Variants in ZFHX3 observed in about 807,000 individuals in gnomAD.
ZFHX3 encodes the protein zinc finger homeobox 3.
A neutral mutation model predicts 279.1 loss-of-function variants in ZFHX3; 42 were observed. That is an observed-to-expected ratio of 0.15 (90% CI 0.12 to 0.19). The LOEUF is 0.19. Among genes scored for constraint, ZFHX3 ranks in the 10% least tolerant of loss-of-function variants. The pLI, the probability that ZFHX3 is intolerant of heterozygous loss-of-function variation, is 1.00. For missense variants in ZFHX3, 4,981 were observed against 4,754.0 expected (o/e 1.05, Z -1.40); for synonymous variants, 2,293 against 1,957.8 (o/e 1.17, Z -4.52).
chr16:72,879,673 G>C (rs942211813), intron 4 of ZFHX3, among the ~76,000 whole-genome samples: 1 of 152,166 alleles, frequency 6.6e-6, no homozygotes, highest in African/African-American at 2.4e-5. Context: ...TGATCCGCCC[G>C]CCTCGGCCTC....
intron 1 of ZFHX3, among the ~76,000 whole-genome samples, chr16:73,722,236 T>C (rs2053480207): frequency 3.3e-5 from 5 of 152,138 alleles, no homozygotes; most frequent in Admixed American, 2.0e-4. Flanking sequence ...GCACTTCTGT[T>C]CTGGACAGAT....
At chr16:73,011,926 G>T (rs895138835) in intron 1 of ZFHX3, among the ~76,000 whole-genome samples, 4 of 152,014 alleles carry the variant, frequency 2.6e-5, no homozygotes, top group African/African-American at 9.7e-5. Flanking sequence ...TCTATCGAGG[G>T]GTAGAAGCTG....
At chr16:73,587,128 T>A (rs765150628) in intron 2 of ZFHX3, among the ~76,000 whole-genome samples, 1 of 152,102 alleles carries the variant, frequency 6.6e-6, no homozygotes, top group Non-Finnish European at 1.5e-5. Context: ...AAGAACTGGC[T>A]CTCAAAGGCC....
intron 2 of ZFHX3, chr16:73,679,784 C>T (rs764255): frequency 0.57 from 86,264 of 152,010 alleles, 25,797 homozygotes; most frequent in East Asian, 0.79. Context: ...AGCAGCTGTA[C>T]ATTAAGCACT....
chr16:73,425,941 T>TA (rs5817848), intron 3 of ZFHX3, among the ~76,000 whole-genome samples: 6 of 150,904 alleles, frequency 4.0e-5, no homozygotes, highest in Admixed American at 6.6e-5. Flanking sequence ...TCCTTACCAT[T>TA]AAAAAAAAAA....
chr16:72,848,893 G>A (rs1417694405), intron 4 of ZFHX3, among the ~76,000 whole-genome samples: 2 of 143,034 alleles, frequency 1.4e-5, no homozygotes, highest in Admixed American at 7.2e-5. Flanking sequence ...CGAGCTGCAC[G>A]GTCCCCAGAA....
intron 1 of ZFHX3, among the ~76,000 whole-genome samples, chr16:73,008,915 T>C (rs1294400836): frequency 3.2e-5 from 2 of 62,344 alleles, no homozygotes; most frequent in Non-Finnish European, 5.7e-5. Context: ...TATATACGTG[T>C]GTGTGTGTGT....
At chr16:73,783,295 C>T (rs904314407) in intron 1 of ZFHX3, among the ~76,000 whole-genome samples, 2 of 152,186 alleles carry the variant, frequency 1.3e-5, no homozygotes, top group African/African-American at 4.8e-5. Context: ...ATGGGATCTG[C>T]TGAGGCCTCT....
In ZFHX3 at chr16:73,328,694, T is replaced by C. The variant is rs151128077; in HGVS notation, c.-1290-10358A>G. On this transcript the variant is annotated intron_variant, in intron 3 of 17. Transcript: ENST00000641206. ...CAGGCAAACCAAATACGATGTGTGG[T>C]GGACATAAGAGGAGACTTGTAACAG... 1.8e-3 allele frequency among the ~76,000 whole-genome samples: 273 copies of C among 152,284 alleles called. 1 individual carries two copies. Among genetic ancestry groups the C allele is most frequent in the Admixed American group, 0.012 (176 of 15,300 alleles).
intron 1 of ZFHX3, among the ~76,000 whole-genome samples, chr16:73,795,167 A>T (rs1489469328): frequency 6.6e-6 from 1 of 152,244 alleles, no homozygotes; most frequent in Non-Finnish European, 1.5e-5. Context: ...GACCGCAGCC[A>T]GGAGTCTGGG....
chr16:73,209,735 A>G (rs377345365), intron 5 of ZFHX3, among the ~76,000 whole-genome samples: 1 of 152,194 alleles, frequency 6.6e-6, no homozygotes, highest in Non-Finnish European at 1.5e-5. Context: ...TTGACATTCA[A>G]TCTTTTGCAA....
chr16:72,983,371 G>A (rs1013184826), intron 1 of ZFHX3, among the ~76,000 whole-genome samples: 1 of 152,160 alleles, frequency 6.6e-6, no homozygotes, highest in African/African-American at 2.4e-5. Flanking sequence ...CAGGATCCCC[G>A]AACATCCCAG....
chr16:73,055,486 C>T (rs1965527686), intron 1 of ZFHX3, among the ~76,000 whole-genome samples: 1 of 152,074 alleles, frequency 6.6e-6, no homozygotes, highest in Admixed American at 6.5e-5. Flanking sequence ...TGACCTGACC[C>T]CGTTCTGTAT....
In ZFHX3 at chr16:73,172,189, A is replaced by G. The variant is rs374983386; in HGVS notation, c.-1103-28358T>C. Among the ~76,000 whole-genome samples the G allele has an allele frequency of 5.1e-4, 78 of 152,290 alleles. 1 individual carries two copies. In the East Asian group the frequency reaches 0.011, roughly 22 times the overall value. ...AGAGGTTATGGACACTCTGAGTGAC[A>G]CCCGAGCCCAAGCCTCCAACAGCAA... On this transcript the variant is annotated intron_variant, in intron 5 of 17. Coordinates refer to the ZFHX3 transcript ENST00000641206.
chr16:72,882,085 G>A (rs542337043), intron 4 of ZFHX3, among the ~76,000 whole-genome samples: 53 of 150,606 alleles, frequency 3.5e-4, no homozygotes, highest in African/African-American at 1.1e-3. Context: ...GAGGACCCCC[G>A]CCCAATGCTC....
intron 5 of ZFHX3, among the ~76,000 whole-genome samples, chr16:73,241,903 T>C (rs751309265): frequency 2.6e-5 from 4 of 151,938 alleles, no homozygotes; most frequent in Non-Finnish European, 5.9e-5. Context: ...CTCTTATTAG[T>C]ATTGTGATCC....
intron 1 of ZFHX3, among the ~76,000 whole-genome samples, chr16:73,682,991 A>AAAGAAAGAAAAG (rs1555532226): frequency 4.7e-5 from 2 of 42,358 alleles, no homozygotes; most frequent in African/African-American, 7.6e-5. Context: ...AGAAAGAAAG[A>AAAGAAAGAAAAG]AAAGAAAGAA....
intron 5 of ZFHX3, among the ~76,000 whole-genome samples, chr16:73,157,507 A>T (rs1057515345): frequency 1.3e-5 from 2 of 149,232 alleles, no homozygotes; most frequent in African/African-American, 5.0e-5. Flanking sequence ...TAGACATTTT[A>T]TCTGAAAGAT....
chr16:73,743,225 C>T (rs761234642), intron 1 of ZFHX3, among the ~76,000 whole-genome samples: 1 of 152,182 alleles, frequency 6.6e-6, no homozygotes, highest in Admixed American at 6.5e-5. Flanking sequence ...CTTGCAAATA[C>T]GACCAACTGT....
Sources: allele counts gnomAD v4.1 joint callset (sites outside exome capture counted in the v4.1 genomes callset), GRCh38; gene constraint gnomAD v4.1.1; transcripts MANE v1.5; gene names NCBI Gene and HGNC (gene_info 2026-07-23, HGNC 2026-07-21).